Variants in SEZ6L observed in about 807,000 individuals in gnomAD.
The protein encoded by SEZ6L is seizure related 6 homolog like, also known as seizure 6-like protein.
In SEZ6L, 37 loss-of-function variants were observed where a neutral mutation model predicts 106.2. The ratio of observed to expected loss-of-function variants is 0.35; its 90% CI spans 0.27 to 0.46. The LOEUF (loss-of-function observed/expected upper bound fraction) is 0.46, where lower values mean the gene tolerates loss of function less well. SEZ6L is among the 20% of genes least tolerant of loss of function. SEZ6L has a pLI of 1.00. For synonymous variants in SEZ6L, 541 were observed against 570.4 expected, an observed-to-expected ratio of 0.95 and a Z score of 0.73; for missense variants, 1,172 against 1,332.8, an observed-to-expected ratio of 0.88 and a Z score of 1.88.
At chr22:26,183,839 G>A (rs55987340) in intron 1 of SEZ6L, among the ~76,000 whole-genome samples, 261 of 152,294 alleles carry the variant, frequency 1.7e-3, no homozygotes, top group African/African-American at 6.2e-3. Flanking sequence ...CAGTTAATGA[G>A]GTTTGGCCAG....
chr22:26,252,730 G>A (rs1244301243), intron 1 of SEZ6L, among the ~76,000 whole-genome samples: 2 of 152,238 alleles, frequency 1.3e-5, no homozygotes, highest in African/African-American at 4.8e-5. Flanking sequence ...TTGCATCCAT[G>A]TTCCTGCTAG....
rs770655782 is a variant in SEZ6L, at chr22:26,292,705, C to G, written c.394C>G (p.Leu132Val). Residue 132 changes from leucine (L) to valine (V), a missense_variant, in exon 2 of 17, where the codon CTG (leucine) becomes GTG (valine). By Grantham distance (32) the Leu-to-Val change is conservative. Transcript: ENST00000248933. ...LKQVNSARKQ[L>V]RPKATSAATV... ...GCAGGTGAACTCTGCCAGGAAGCAG[C>G]TGAGGCCCAAGGCCACCTCCGCAGC... 1 of 1,613,740 alleles carries G rather than the reference C, an allele frequency of 6.2e-7. No individual in the cohort carries two copies. The highest frequency in any genetic ancestry group is 2.2e-5 in the East Asian group (1 of 44,858).
chr22:26,364,064 A>G (rs560292090), intron 12 of SEZ6L, among the ~76,000 whole-genome samples: 2 of 152,364 alleles, frequency 1.3e-5, no homozygotes, highest in East Asian at 1.9e-4. Context: ...AGTTCTGGAC[A>G]TAAGTTGCCC....
At chr22:26,296,717 G>A (rs2081311280) in intron 3 of SEZ6L, among the ~76,000 whole-genome samples, 171 bp from the exon 4 acceptor site, 1 of 152,248 alleles carries the variant, frequency 6.6e-6, no homozygotes, top group Non-Finnish European at 1.5e-5. Context: ...GAAATTAGGG[G>A]GACCTTGATA....
At chr22:26,348,703 A>AAAGAAAGAAAGC (rs1207033331) in intron 11 of SEZ6L, among the ~76,000 whole-genome samples, 5 of 41,482 alleles carry the variant, frequency 1.2e-4, no homozygotes, top group East Asian at 1.9e-3. Context: ...AGAAAGAAAG[A>AAAGAAAGAAAGC]AGGCAAGGGA....
intron 15 of SEZ6L, among the ~76,000 whole-genome samples, chr22:26,376,622 G>A (rs559314508): frequency 1.1e-4 from 17 of 152,272 alleles, no homozygotes; most frequent in African/African-American, 4.1e-4. Flanking sequence ...GGTGGTGGGT[G>A]CCTGTAATCC....
At chr22:26,365,938 A>G (rs1318681086) in intron 13 of SEZ6L, among the ~76,000 whole-genome samples, 1 of 152,098 alleles carries the variant, frequency 6.6e-6, no homozygotes, top group Non-Finnish European at 1.5e-5. Context: ...CTAAGATGTC[A>G]CCATGACTTT....
At chr22:26,203,973 G>A (rs1032168706) in intron 1 of SEZ6L, among the ~76,000 whole-genome samples, 10 of 152,152 alleles carry the variant, frequency 6.6e-5, no homozygotes, top group African/African-American at 2.4e-4. Context: ...TACTGCCATG[G>A]CTTTGAATGG....
At chr22:26,188,745 CA>C (rs1389997108) in intron 1 of SEZ6L, among the ~76,000 whole-genome samples, 1 of 152,176 alleles carries the variant, frequency 6.6e-6, no homozygotes, top group Admixed American at 6.5e-5. Context: ...TCAGGTTCAA[CA>C]GAAAAGCCAT....
At chr22:26,318,055 C>CTATTT (rs2082054001) in intron 9 of SEZ6L, among the ~76,000 whole-genome samples, 1 of 106,432 alleles carries the variant, frequency 9.4e-6, no homozygotes, top group Admixed American at 9.8e-5. Context: ...AATTCAATTT[C>CTATTT]CATTTTATTT....
intron 1 of SEZ6L, among the ~76,000 whole-genome samples, chr22:26,266,159 T>A (rs538500106): frequency 1.2e-4 from 18 of 152,238 alleles, no homozygotes; most frequent in Non-Finnish European, 2.1e-4. Flanking sequence ...CTGCGGAGGC[T>A]GTGCTGCACT....
At chr22:26,353,483 T>C (rs1340173191) in intron 12 of SEZ6L, among the ~76,000 whole-genome samples, 1 of 152,244 alleles carries the variant, frequency 6.6e-6, no homozygotes, top group African/African-American at 2.4e-5. Context: ...TGTGAATCTA[T>C]GCATATGTGT....
intron 5 of SEZ6L, among the ~76,000 whole-genome samples, chr22:26,301,065 G>A (rs2081438510): frequency 6.6e-6 from 1 of 152,184 alleles, no homozygotes; most frequent in Admixed American, 6.5e-5. Flanking sequence ...CGTGCCAGAG[G>A]CTGCATTTAA....
At chr22:26,218,071 A>G (rs1272467457) in intron 1 of SEZ6L, among the ~76,000 whole-genome samples, 1 of 152,236 alleles carries the variant, frequency 6.6e-6, no homozygotes, top group Non-Finnish European at 1.5e-5. Flanking sequence ...GTAGGAAAAC[A>G]GATGCAGGAA....
rs558700413 is a variant in SEZ6L, at chr22:26,170,979, C to T, written c.94+1216C>T. Among the ~76,000 whole-genome samples, 11 of 152,312 alleles carry T rather than the reference C, an allele frequency of 7.2e-5. No individual in the cohort carries two copies. The South Asian group carries it at 2.3e-3, about 32-fold the overall frequency. On this transcript the variant is annotated intron_variant, in intron 1 of 16. Coordinates refer to ENST00000248933, the MANE Select transcript of SEZ6L (RefSeq NM_021115.5). ...CCAGCGCGCGCACCTGCTTTCAGCA[C>T]CAAAGGCCCTGGACAGCTCTCAGCT...
At position 26,292,670 on chromosome 22, in the gene SEZ6L, C is replaced by T; in HGVS notation, c.359C>T (p.Pro120Leu). ...KHALPPKKKL[P>L]SLKQVNSARK... ...GCCTTGCCCCCCAAGAAGAAACTGCCTTCGCTCAAGCAGGTGAACTCTGCC... is the reference window on the plus strand; with the variant it reads ...GCCTTGCCCCCCAAGAAGAAACTGCTTTCGCTCAAGCAGGTGAACTCTGCC... The change falls in exon 2 of 17, where the codon CCT becomes CTT. Residue 120 changes from proline to leucine, a missense_variant. Pro to Leu is a moderately conservative substitution (Grantham distance 98). Transcript: ENST00000248933. The T allele has an allele frequency of 6.2e-7, 1 of 1,613,324 alleles. No individual in the cohort carries two copies. The highest frequency in any genetic ancestry group is 1.3e-5 in the African/African-American group (1 of 74,908).
chr22:26,343,566 C>T (rs1405870238), intron 10 of SEZ6L, among the ~76,000 whole-genome samples: 1 of 152,104 alleles, frequency 6.6e-6, no homozygotes, highest in Admixed American at 6.5e-5. Flanking sequence ...TAAAAAATCC[C>T]TTGACACCTC....
At chr22:26,271,219 A>C (rs2145839069) in intron 1 of SEZ6L, among the ~76,000 whole-genome samples, 1 of 152,364 alleles carries the variant, frequency 6.6e-6, no homozygotes, top group South Asian at 2.1e-4. Context: ...TATAAACAAC[A>C]TTAGGTTTCT....
intron 13 of SEZ6L, among the ~76,000 whole-genome samples, 194 bp from the exon 14 acceptor site, chr22:26,373,257 T>C (rs1338030739): frequency 1.3e-5 from 2 of 152,232 alleles, no homozygotes; most frequent in Non-Finnish European, 2.9e-5. Flanking sequence ...ATCTATCTCA[T>C]CTTCTCTTGG....
Sources: gnomAD v4.1 joint callset for allele counts (sites outside exome capture counted in the v4.1 genomes callset) on GRCh38, gnomAD v4.1.1 for gene constraint, MANE v1.5 for transcripts, NCBI Gene and HGNC (gene_info 2026-07-23, HGNC 2026-07-21) for gene names.